The following MTCL3 variants were observed in gnomAD, a reference collection of about 807,000 sequenced individuals.
MTCL3 encodes MTCL family member 3, also known as microtubule cross-linking factor 3.
the MTCL3 span, chr6:127,516,193 C>T: frequency 7.0e-7 from 1 of 1,434,436 alleles, no homozygotes; most frequent in African/African-American, 1.5e-5. Flanking sequence ...CTCGGGCGGT[C>T]CGGGCCTCCT....
At chr6:127,475,063 G>T in the MTCL3 span, among the ~76,000 whole-genome samples, 1 of 152,246 alleles carries the variant, frequency 6.6e-6, no homozygotes, top group South Asian at 2.1e-4. The surrounding 1 kb of genome is among the most constrained non-coding windows in gnomAD (Gnocchi z 7.3). Context: ...AAACAAAACA[G>T]AGGAAGAAAT....
the MTCL3 span, among the ~76,000 whole-genome samples, chr6:127,490,164 C>G: frequency 1.2e-4 from 19 of 152,216 alleles, no homozygotes; most frequent in Non-Finnish European, 2.1e-4. Context: ...AAGGACAAAG[C>G]CTTTATGACA....
chr6:127,518,017 C>T, the MTCL3 span, among the ~76,000 whole-genome samples: 1 of 152,190 alleles, frequency 6.6e-6, no homozygotes, highest in African/African-American at 2.4e-5. Context: ...AGTAATTCCT[C>T]ATTTTATAAA....
At chr6:127,478,063 A>G in the MTCL3 span, among the ~76,000 whole-genome samples, 1 of 152,220 alleles carries the variant, frequency 6.6e-6, no homozygotes, top group Non-Finnish European at 1.5e-5. Flanking sequence ...GGACTACCAG[A>G]AGAGATGAGA....
the MTCL3 span, among the ~76,000 whole-genome samples, chr6:127,507,419 C>T: frequency 6.6e-6 from 1 of 152,094 alleles, no homozygotes; most frequent in Non-Finnish European, 1.5e-5. Context: ...AAATAATCCA[C>T]AAATTTCTGA....
the MTCL3 span, chr6:127,476,158 C>T: frequency 1.3e-5 from 21 of 1,614,066 alleles, no homozygotes; most frequent in Non-Finnish European, 1.8e-5. This position sits in a 1 kb window ranked among gnomAD's most constrained non-coding sequence, Gnocchi z 4.4. Flanking sequence ...GTCATCGCCC[C>T]TAAGGTCGTC....
the MTCL3 span, among the ~76,000 whole-genome samples, chr6:127,478,190 G>A: frequency 2.0e-5 from 3 of 152,178 alleles, no homozygotes; most frequent in Admixed American, 6.5e-5. Flanking sequence ...ATCAGCAGAG[G>A]AATCAAAGAT....
At chr6:127,513,696 G>C in the MTCL3 span, among the ~76,000 whole-genome samples, 2 of 152,182 alleles carry the variant, frequency 1.3e-5, no homozygotes, top group Non-Finnish European at 2.9e-5. Context: ...GCAGACTGGT[G>C]TAGAGGCTTA....
At chr6:127,503,524 A>G in the MTCL3 span, among the ~76,000 whole-genome samples, 1 of 152,196 alleles carries the variant, frequency 6.6e-6, no homozygotes, top group Non-Finnish European at 1.5e-5. Flanking sequence ...TCTCTCATTC[A>G]TTAAACCCTC....
At chr6:127,500,315 T>C in the MTCL3 span, among the ~76,000 whole-genome samples, 1 of 152,214 alleles carries the variant, frequency 6.6e-6, no homozygotes, top group South Asian at 2.1e-4. Context: ...TTTGACTCAA[T>C]AATTTCATTC....
chr6:127,488,401 G>C, the MTCL3 span, among the ~76,000 whole-genome samples: 2 of 152,098 alleles, frequency 1.3e-5, no homozygotes, highest in African/African-American at 4.8e-5. Context: ...TTCAATGTCT[G>C]TTTTCTCATT....
the MTCL3 span, chr6:127,475,854 G>C: frequency 1.2e-6 from 2 of 1,613,590 alleles, no homozygotes; most frequent in Non-Finnish European, 1.7e-6. This position sits in a 1 kb window ranked among gnomAD's most constrained non-coding sequence, Gnocchi z 7.3. Flanking sequence ...CGCGGTTCTC[G>C]TACTGCAGCT....
chr6:127,492,166 A>G, the MTCL3 span, among the ~76,000 whole-genome samples: 1,460 of 152,288 alleles, frequency 9.6e-3, 25 homozygotes, highest in African/African-American at 0.033. Context: ...TCTAGCTGTT[A>G]TCTGACCATA....
At chr6:127,506,340 G>A in the MTCL3 span, among the ~76,000 whole-genome samples, 1 of 152,036 alleles carries the variant, frequency 6.6e-6, no homozygotes, top group Non-Finnish European at 1.5e-5. Flanking sequence ...CTTCATGATT[G>A]CCCCAGAGGC....
chr6:127,485,023 A>C, the MTCL3 span, among the ~76,000 whole-genome samples: 1 of 151,986 alleles, frequency 6.6e-6, no homozygotes, highest in South Asian at 2.1e-4. Context: ...AGAAACTCTG[A>C]GGATGAGGCC....
At chr6:127,509,556 A>AT in the MTCL3 span, among the ~76,000 whole-genome samples, 1 of 152,174 alleles carries the variant, frequency 6.6e-6, no homozygotes, top group Admixed American at 6.5e-5. Context: ...ATATTCTATG[A>AT]TTTTTTGACT....
the MTCL3 span, among the ~76,000 whole-genome samples, chr6:127,510,678 G>A: frequency 6.6e-6 from 1 of 152,178 alleles, no homozygotes; most frequent in African/African-American, 2.4e-5. Flanking sequence ...GTACTTGAAT[G>A]TTTACAATTT....
At chr6:127,518,228 GCTAT>G in the MTCL3 span, among the ~76,000 whole-genome samples, 1 of 152,212 alleles carries the variant, frequency 6.6e-6, no homozygotes, top group African/African-American at 2.4e-5. Context: ...ACTAACATGG[GCTAT>G]CTAACTAACT....
At chr6:127,489,984 TA>T in the MTCL3 span, among the ~76,000 whole-genome samples, 1 of 152,194 alleles carries the variant, frequency 6.6e-6, no homozygotes, top group East Asian at 1.9e-4. Flanking sequence ...CTTTCATAGC[TA>T]AAAAGGAGAA....
Sources: gnomAD v4.1 joint callset for allele counts (sites outside exome capture counted in the v4.1 genomes callset) on GRCh38, gnomAD v4.1.1 for gene constraint, Gnocchi (gnomAD v3.1) non-coding constraint, MANE v1.5 for transcripts, NCBI Gene and HGNC (gene_info 2026-07-23, HGNC 2026-07-21) for gene names.